The following PTK2 variants were observed in gnomAD, a reference collection of about 807,000 sequenced individuals.
PTK2 encodes the protein focal adhesion kinase 1.
In PTK2, 45 loss-of-function variants were observed where a neutral mutation model predicts 150.1. The ratio of observed to expected loss-of-function variants is 0.30; its 90% CI spans 0.24 to 0.38. The LOEUF is 0.38. Among genes scored for constraint, PTK2 ranks in the 10% least tolerant of loss-of-function variants. The pLI, the probability that PTK2 is intolerant of heterozygous loss-of-function variation, is 1.00. For missense variants in PTK2, 919 were observed against 1,307.3 expected, an observed-to-expected ratio of 0.70 and a Z score of 4.58; for synonymous variants, 432 against 449.2, an observed-to-expected ratio of 0.96 and a Z score of 0.48.
intron 1 of PTK2, among the ~76,000 whole-genome samples, chr8:140,948,969 C>T (rs1427975485): frequency 2.0e-5 from 3 of 151,484 alleles, no homozygotes; most frequent in Non-Finnish European, 2.9e-5. Context: ...ACTGAGTGTG[C>T]CTGCCTCTCC....
intron 26 of PTK2, among the ~76,000 whole-genome samples, chr8:140,688,169 T>C (rs2100021092): frequency 6.6e-6 from 1 of 152,150 alleles, no homozygotes; most frequent in South Asian, 2.1e-4. Flanking sequence ...CTGACAGCAG[T>C]AGCAGACAGT....
intron 13 of PTK2, among the ~76,000 whole-genome samples, chr8:140,793,052 T>C (rs2100089444): frequency 6.6e-6 from 1 of 152,332 alleles, no homozygotes; most frequent in Non-Finnish European, 1.5e-5. Flanking sequence ...ATGCCACATA[T>C]TTTCAGGTTC....
chr8:140,867,642 G>A (rs1249321129), intron 4 of PTK2, among the ~76,000 whole-genome samples: 1 of 152,066 alleles, frequency 6.6e-6, no homozygotes, highest in African/African-American at 2.4e-5. Context: ...AGGAGGGAGA[G>A]GATCAGAAAA....
intron 26 of PTK2, among the ~76,000 whole-genome samples, chr8:140,690,722 C>T (rs2100022691): frequency 6.6e-6 from 1 of 152,128 alleles, no homozygotes; most frequent in Non-Finnish European, 1.5e-5. Flanking sequence ...TGTTTACAAA[C>T]ATGGAACCAC....
chr8:140,682,408 A>G (rs2100017575), intron 27 of PTK2, among the ~76,000 whole-genome samples: 1 of 152,158 alleles, frequency 6.6e-6, no homozygotes, highest in African/African-American at 2.4e-5. Context: ...AAAATTTAGC[A>G]AATGACAGCG....
chr8:140,722,021 G>A (rs1300752535), intron 22 of PTK2, among the ~76,000 whole-genome samples: 1 of 152,188 alleles, frequency 6.6e-6, no homozygotes, highest in Non-Finnish European at 1.5e-5. Flanking sequence ...CACAGACCCT[G>A]AAACATAATA....
At chr8:140,926,421 C>T (rs1275914882) in intron 1 of PTK2, among the ~76,000 whole-genome samples, 1 of 152,138 alleles carries the variant, frequency 6.6e-6, no homozygotes, top group Non-Finnish European at 1.5e-5. Context: ...AGAGAAGAGT[C>T]TGGAAACAGG....
intron 2 of PTK2, among the ~76,000 whole-genome samples, chr8:140,922,684 C>T (rs1464430937): frequency 6.6e-6 from 1 of 152,186 alleles, no homozygotes; most frequent in Non-Finnish European, 1.5e-5. Context: ...ATTCTACACA[C>T]TAAGTACTGA....
At chr8:140,734,420 G>A (rs535299824) in intron 22 of PTK2, among the ~76,000 whole-genome samples, 11 of 152,096 alleles carry the variant, frequency 7.2e-5, no homozygotes, top group Non-Finnish European at 1.5e-4. Context: ...CTTATATGGT[G>A]CCAGGTTCTA....
intron 22 of PTK2, chr8:140,732,758 T>C (rs181530048): frequency 3.3e-5 from 10 of 300,956 alleles, no homozygotes; most frequent in South Asian, 2.2e-4. Flanking sequence ...CAGCCATCTA[T>C]AGCAGCATAG....
intron 1 of PTK2, among the ~76,000 whole-genome samples, chr8:140,996,661 A>C (rs541345674): frequency 5.3e-5 from 8 of 152,352 alleles, no homozygotes; most frequent in African/African-American, 1.9e-4. Context: ...TGGAATAACA[A>C]AGCCTGGATG....
At chr8:140,936,594 T>G (rs955014780) in intron 1 of PTK2, among the ~76,000 whole-genome samples, 9 of 152,002 alleles carry the variant, frequency 5.9e-5, no homozygotes, top group African/African-American at 2.2e-4. Flanking sequence ...GATCTTGATC[T>G]ACCTCAGAAA....
intron 2 of PTK2, among the ~76,000 whole-genome samples, chr8:140,898,833 G>A (rs1255907859): frequency 6.6e-6 from 1 of 152,132 alleles, no homozygotes; most frequent in African/African-American, 2.4e-5. Context: ...AAAGGGGAGG[G>A]AGAGTGGTGA....
chr8:140,659,340 G>T, exon 32 of PTK2: 1 of 690,938 alleles, frequency 1.4e-6, no homozygotes, highest in Non-Finnish European at 2.3e-6. Context: ...TCAACCAGAT[G>T]GTCATTCAAA....
intron 2 of PTK2, chr8:140,909,484 A>C (rs2100162234): frequency 6.6e-6 from 1 of 152,356 alleles, no homozygotes; most frequent in Non-Finnish European, 1.5e-5. Context: ...TTACAGAACT[A>C]GCACATATCA....
At chr8:140,707,337 T>C (rs2100034384) in intron 23 of PTK2, among the ~76,000 whole-genome samples, 1 of 152,202 alleles carries the variant, frequency 6.6e-6, no homozygotes, top group African/African-American at 2.4e-5. Flanking sequence ...CCGTCTCTAC[T>C]AAAAACAAAA....
In PTK2 at chr8:140,965,329, T is replaced by C. The variant is rs951872177; in HGVS notation, c.-122+35796A>G. 6.6e-5 allele frequency among the ~76,000 whole-genome samples: 10 copies of C among 152,198 alleles called. No homozygotes were observed. The East Asian group carries it at 1.9e-3, about 29-fold the overall frequency. The stretch of plus-strand genomic sequence containing the variant: ...TCTACCTAGATCTTCTTCCCATTGC[T>C]TAACTTGATGTACATGTGGTAGGGG... On this transcript the variant is annotated intron_variant, in intron 1 of 31. Coordinates refer to ENST00000522684, the Ensembl canonical transcript of PTK2.
At position 140,970,716 on chromosome 8, in the gene PTK2, CATTGCAGATGAAGTCAAATCTCAATCTG is replaced by C. The variant is rs1364394664; in HGVS notation, c.-122+30381_-122+30408del. On this transcript the variant is annotated intron_variant, in intron 1 of 31. Transcript: ENST00000522684. ...TTGCTGCTCTGGTGCCTATCCTCAA[CATTGCAGATGAAGTCAAATCTCAATCTG>C]ATTGCAGATGAAGTCAAATCTCAAT... Among the ~76,000 whole-genome samples, 5 of 152,310 alleles carry C rather than the reference CATTGCAGATGAAGTCAAATCTCAATCTG, an allele frequency of 3.3e-5. No homozygotes were observed. The East Asian group carries it at 7.7e-4, about 24-fold the overall frequency.
intron 26 of PTK2, among the ~76,000 whole-genome samples, chr8:140,692,613 G>A (rs530208623): frequency 2.0e-5 from 3 of 149,252 alleles, no homozygotes; most frequent in Non-Finnish European, 3.0e-5. Flanking sequence ...GTAAGACTTC[G>A]TCTCAAAACA....
Sources: allele counts gnomAD v4.1 joint callset (sites outside exome capture counted in the v4.1 genomes callset), GRCh38; gene constraint gnomAD v4.1.1; transcripts MANE v1.5; gene names NCBI Gene and HGNC (gene_info 2026-07-23, HGNC 2026-07-21).